The following SUCO variants were observed in gnomAD, a reference collection of about 807,000 sequenced individuals.
SUCO encodes the protein SUN domain-containing ossification factor.
Under a neutral mutation model 148.1 loss-of-function variants are expected in SUCO, and 57 were observed. That is an observed-to-expected ratio of 0.38 (90% confidence interval 0.31 to 0.48). The LOEUF (loss-of-function observed/expected upper bound fraction) is 0.48. Among genes scored for constraint, SUCO ranks in the 20% least tolerant of loss-of-function variants. The pLI is 0.96. For synonymous variants in SUCO, 470 were observed against 502.7 expected, an observed-to-expected ratio of 0.93 and a Z score of 0.87; for missense variants, 1,331 against 1,468.2, an observed-to-expected ratio of 0.91 and a Z score of 1.53.
chr1:172,589,071 A>G lies in SUCO; in HGVS notation c.1970A>G (p.Asp657Gly). Residue 657 changes from aspartate to glycine, a missense_variant, in exon 18 of 24, where the codon GAT becomes GGT. Asp to Gly is a moderately conservative substitution (Grantham distance 94, BLOSUM62 -1). This residue lies in a region of SUCO where 992 missense variants were observed against 1,093.5 expected (regional missense o/e 0.91). Coordinates refer to ENST00000263688, the MANE Select transcript of SUCO (RefSeq NM_014283.5). Reference sequence around the variant, plus strand: ...CGAACTGCTTTGAGTAAAGGAAAAGATTATCTTGTGTTAGCTCAACCACCC... The same window carrying G: ...CGAACTGCTTTGAGTAAAGGAAAAGGTTATCTTGTGTTAGCTCAACCACCC... ...RSRTALSKGK[D>G]YLVLAQPPLL... The G allele has an allele frequency of 6.2e-7, 1 of 1,613,784 alleles. No individual in the cohort carries two copies. Among genetic ancestry groups the G allele is most frequent in the Non-Finnish European group, 8.5e-7 (1 of 1,179,858 alleles).
At chr1:172,535,495 A>C (rs1433440948) in intron 1 of SUCO, among the ~76,000 whole-genome samples, 2 of 152,156 alleles carry the variant, frequency 1.3e-5, no homozygotes, top group Non-Finnish European at 2.9e-5. Context: ...TTTTCTTTGA[A>C]GCCTCTGCTT....
Position 172,570,160 on chromosome 1 carries a change from C to A in SUCO, c.970C>A (p.Pro324Thr). 6.3e-7 allele frequency: 1 copy of A among 1,576,844 alleles called. No homozygotes were observed. The highest frequency in any genetic ancestry group is 1.7e-4 in the Middle Eastern group (1 of 5,924). ...ECGAKILAAN[P>T]EAKSTSAILI... ...TGGTGCCAAAATTCTAGCAGCTAAT[C>A]CAGAAGCCAAGGTAGGTGTTTAAAT... Residue 324 changes from proline (P) to threonine (T), a missense_variant, in exon 8 of 24, where the codon CCA becomes ACA. Around this residue, in one of 3 missense-constraint regions of SUCO, gnomAD observed 992 missense variants for 1,093.5 expected, o/e 0.91. Coordinates refer to ENST00000263688, the MANE Select transcript of SUCO (RefSeq NM_014283.5).
chr1:172,597,133 G>A (rs937924678), intron 19 of SUCO, among the ~76,000 whole-genome samples: 7 of 152,228 alleles, frequency 4.6e-5, no homozygotes, highest in Non-Finnish European at 8.8e-5. Context: ...TAAGACCATT[G>A]GAAAAGCACA....
chr1:172,594,735 GA>G (rs1558209094), intron 19 of SUCO, among the ~76,000 whole-genome samples: 3 of 152,140 alleles, frequency 2.0e-5, no homozygotes, highest in African/African-American at 7.2e-5. Flanking sequence ...TTGTGGTGCC[GA>G]AAAGAATGTA....
chr1:172,557,270 CTTT>C lies in SUCO; in HGVS notation c.444-5_444-3del, dbSNP rs1653819190. On this transcript the variant is annotated splice_polypyrimidine_tract_variant and splice_region_variant and intron_variant, in intron 4 of 23. Transcript: ENST00000263688. ...AATTACCAGATTATGTTTCTTGTTTCTTTTTTTAGTGAAATAGAAAAATCTGGT... is the reference window on the plus strand; with the variant it reads ...AATTACCAGATTATGTTTCTTGTTTCTTTTAGTGAAATAGAAAAATCTGGT... The C allele has an allele frequency of 2.5e-6, 4 of 1,609,198 alleles. No individual in the cohort carries two copies. Among genetic ancestry groups the C allele is most frequent in the Middle Eastern group, 1.7e-4 (1 of 6,034 alleles).
intron 22 of SUCO, chr1:172,608,381 T>G: frequency 4.2e-6 from 1 of 240,338 alleles, no homozygotes; most frequent in Non-Finnish European, 7.9e-6. Flanking sequence ...TCAAATGATC[T>G]GTAGGTTTGG....
chr1:172,606,857 C>T (rs1294151636), intron 22 of SUCO, among the ~76,000 whole-genome samples: 1 of 151,818 alleles, frequency 6.6e-6, no homozygotes, highest in Non-Finnish European at 1.5e-5. Flanking sequence ...CTCCGTATAT[C>T]TTCCCTGTCT....
chr1:172,575,661 AAAT>A (rs1337938536), intron 11 of SUCO, 38 bp downstream of exon 11: 1 of 1,400,186 alleles, frequency 7.1e-7, no homozygotes, highest in Non-Finnish European at 1.0e-6. Flanking sequence ...TCTATAATGA[AAAT>A]ATACGTGTTA....
chr1:172,578,820 T>C (rs1451173898), intron 14 of SUCO, among the ~76,000 whole-genome samples: 1 of 152,060 alleles, frequency 6.6e-6, no homozygotes, highest in Non-Finnish European at 1.5e-5. Flanking sequence ...GAAAGTTTTA[T>C]GACACTCTCC....
rs73034064 is a variant in SUCO at position 172,601,441 on chromosome 1, A to G, written c.3019-623A>G. Reference sequence around the variant, plus strand: ...TTGAACCCAGGAGGTGGAGGTTGCAATAAGCCAAGGTCACACCACTGCATT... The same window carrying G: ...TTGAACCCAGGAGGTGGAGGTTGCAGTAAGCCAAGGTCACACCACTGCATT... On this transcript the variant is annotated intron_variant, in intron 20 of 23. Coordinates refer to ENST00000263688, the MANE Select transcript of SUCO (RefSeq NM_014283.5). 1.7e-3 allele frequency among the ~76,000 whole-genome samples: 256 copies of G among 151,920 alleles called. 1 individual carries two copies. The highest frequency in any genetic ancestry group is 5.8e-3 in the African/African-American group (242 of 41,432).
At chr1:172,562,213 A>T (rs894419431) in intron 6 of SUCO, among the ~76,000 whole-genome samples, 4 of 152,246 alleles carry the variant, frequency 2.6e-5, no homozygotes, top group Admixed American at 1.3e-4. Context: ...TCACAAAAAA[A>T]GCTAAAAGAG....
At position 172,606,176 on chromosome 1, in the gene SUCO, A is replaced by G. The variant is rs1020584017; in HGVS notation, c.3266-2571A>G. Among the ~76,000 whole-genome samples, 15 of 151,746 alleles carry G rather than the reference A, an allele frequency of 9.9e-5. 1 individual carries two copies. In the South Asian group the frequency reaches 2.5e-3, roughly 25 times the overall value. ...TAATTTTGTTAGATAATTATTTAGAAATTTTGCATCTATATGAATAAGATT... is the reference window on the plus strand; with the variant it reads ...TAATTTTGTTAGATAATTATTTAGAGATTTTGCATCTATATGAATAAGATT... On this transcript the variant is annotated intron_variant, in intron 22 of 23. Coordinates refer to ENST00000263688, the MANE Select transcript of SUCO (RefSeq NM_014283.5).
In SUCO at chr1:172,611,819, A is replaced by G. The variant is rs1229513023; in HGVS notation, c.*1560A>G. On this transcript the variant is annotated 3_prime_UTR_variant, in exon 24 of 24. Coordinates refer to ENST00000263688, the MANE Select transcript of SUCO (RefSeq NM_014283.5). ...TGTGAATTTCCAAATAAATCTGAAC[A>G]CTTGTCTTTATTAATTACTGGCTCT... 1 of 152,646 alleles carries G rather than the reference A, an allele frequency of 6.6e-6. No homozygotes were observed. Among genetic ancestry groups the G allele is most frequent in the African/African-American group, 2.4e-5 (1 of 41,458 alleles). The allele number at this position is 152,646 out of a possible 1,614,324, so 9.5% of individuals were successfully genotyped here.
intron 1 of SUCO, among the ~76,000 whole-genome samples, chr1:172,547,684 A>T (rs1467447459): frequency 6.6e-6 from 1 of 152,226 alleles, no homozygotes; most frequent in African/African-American, 2.4e-5. Flanking sequence ...AATAGACATG[A>T]CAAATGCAGG....
At chr1:172,532,695 A>C (rs568600042), upstream of SUCO, 2 of 1,614,000 alleles carry the variant, frequency 1.2e-6, no homozygotes, top group Non-Finnish European at 1.7e-6. Context: ...CTCTAACAAA[A>C]CCATGGATTC....
At chr1:172,582,584 A>G (rs10911974) in intron 15 of SUCO, among the ~76,000 whole-genome samples, 2,698 of 152,228 alleles carry the variant, frequency 0.018, 86 homozygotes, top group African/African-American at 0.061. Flanking sequence ...TAGTTTGGCA[A>G]TTATATTCAA....
At chr1:172,596,888 G>A (rs925008613) in intron 19 of SUCO, among the ~76,000 whole-genome samples, 1 of 152,210 alleles carries the variant, frequency 6.6e-6, no homozygotes, top group Non-Finnish European at 1.5e-5. Context: ...CCCCAGAGAC[G>A]GAGTCTACAG....
At chr1:172,593,187 G>A (rs911105830) in intron 19 of SUCO, among the ~76,000 whole-genome samples, 2 of 152,126 alleles carry the variant, frequency 1.3e-5, no homozygotes, top group African/African-American at 4.8e-5. Flanking sequence ...GAGATGATGG[G>A]GTTTTCTAAA....
At chr1:172,609,594 G>A in intron 23 of SUCO, 2 of 985,062 alleles carry the variant, frequency 2.0e-6, no homozygotes, top group South Asian at 9.4e-5. Context: ...ATAGGTAGCA[G>A]GTAAGCAATT....
Sources: gnomAD v4.1 joint callset for allele counts (sites outside exome capture counted in the v4.1 genomes callset) on GRCh38, gnomAD v4.1.1 for gene constraint, gnomAD v4.1.1 regional missense constraint, MANE v1.5 for transcripts, NCBI Gene and HGNC (gene_info 2026-07-23, HGNC 2026-07-21) for gene names.